The following DNAH6 variants were observed in gnomAD, a reference collection of about 807,000 sequenced individuals.
DNAH6 encodes axonemal beta dynein heavy chain 6.
A neutral mutation model predicts 491.4 loss-of-function variants in DNAH6; 340 were observed. The ratio of observed to expected loss-of-function variants is 0.69; its 90% CI spans 0.63 to 0.76. The LOEUF (loss-of-function observed/expected upper bound fraction) is 0.76, where lower values mean the gene tolerates loss of function less well. Among genes scored for constraint, DNAH6 ranks in the 30% least tolerant of loss-of-function variants. The pLI is 0.00. For missense variants in DNAH6, 4,443 were observed against 4,972.2 expected (o/e 0.89, Z 3.20); for synonymous variants, 1,603 against 1,686.1 (o/e 0.95, Z 1.21).
At chr2:84,648,987 C>G (rs931524670) in intron 33 of DNAH6, among the ~76,000 whole-genome samples, 5 of 152,190 alleles carry the variant, frequency 3.3e-5, no homozygotes, top group Non-Finnish European at 7.3e-5. Context: ...CACAGTCACT[C>G]CAGCCTTCAG....
At chr2:84,681,217 A>G (rs1415816216) in intron 41 of DNAH6, 140 bp from the exon 42 acceptor site, 3 of 689,570 alleles carry the variant, frequency 4.4e-6, no homozygotes, top group African/African-American at 3.7e-5. Flanking sequence ...TGAAATGAGC[A>G]GAAGAGCTTT....
chr2:84,795,736 T>G (rs1678280524), intron 68 of DNAH6, among the ~76,000 whole-genome samples: 1 of 152,230 alleles, frequency 6.6e-6, no homozygotes, highest in South Asian at 2.1e-4. Context: ...ATGGGGCACA[T>G]GGAAAGTAGC....
At chr2:84,811,592 G>T (rs1371536740) in intron 72 of DNAH6, among the ~76,000 whole-genome samples, 1 of 152,188 alleles carries the variant, frequency 6.6e-6, no homozygotes, top group East Asian at 1.9e-4. Context: ...CGGGCACGGT[G>T]GCTCACACCT....
intron 56 of DNAH6, among the ~76,000 whole-genome samples, chr2:84,711,640 G>A (rs893196857): frequency 1.3e-5 from 2 of 152,152 alleles, no homozygotes; most frequent in African/African-American, 4.8e-5. Context: ...ATTCCATTTT[G>A]TCAATGAGGA....
Position 84,709,382 on chromosome 2 carries a change from A to T in DNAH6, c.9088A>T (p.Ile3030Phe), listed in dbSNP as rs530967866. The change falls in exon 55 of 77, where the codon ATC becomes TTC. Residue 3030 changes from isoleucine to phenylalanine, a missense_variant. By Grantham distance (21) the Ile-to-Phe change is conservative. Coordinates refer to ENST00000389394, the MANE Select transcript of DNAH6 (RefSeq NM_001370.2). ...CWIQDCQSLE[I>F]PIDPSFSLIN... ...GATCCAGGACTGTCAGTCTCTGGAG[A>T]TCCCAATCGATCCTTCCTTCAGTCT... 6.4e-7 allele frequency: 1 copy of T among 1,551,650 alleles called. No homozygotes were observed. Among genetic ancestry groups the T allele is most frequent in the Non-Finnish European group, 8.7e-7 (1 of 1,146,978 alleles).
At chr2:84,723,367 A>T (rs567055974) in intron 60 of DNAH6, among the ~76,000 whole-genome samples, 104 of 152,276 alleles carry the variant, frequency 6.8e-4, no homozygotes, top group Non-Finnish European at 1.1e-3. Context: ...TTGATTGCCC[A>T]GTATGCACAG....
intron 14 of DNAH6, among the ~76,000 whole-genome samples, chr2:84,583,434 T>C (rs1474349800): frequency 6.6e-6 from 1 of 152,210 alleles, no homozygotes; most frequent in Non-Finnish European, 1.5e-5. Flanking sequence ...TCTGAATAAT[T>C]TACCTCCTAA....
intron 11 of DNAH6, among the ~76,000 whole-genome samples, chr2:84,572,607 G>T (rs897793941): frequency 6.6e-6 from 1 of 152,176 alleles, no homozygotes; most frequent in Non-Finnish European, 1.5e-5. Flanking sequence ...AACATACAGG[G>T]TGTGTGCTAT....
chr2:84,819,265 C>A, intron 76 of DNAH6, 40 bp from the exon 77 acceptor site: 1 of 1,396,910 alleles, frequency 7.2e-7, no homozygotes. Flanking sequence ...GGAAGTTATT[C>A]TCTTAAGTAA....
At chr2:84,608,347 G>A (rs533810170) in intron 21 of DNAH6, among the ~76,000 whole-genome samples, 15 of 74,346 alleles carry the variant, frequency 2.0e-4, no homozygotes, top group South Asian at 4.5e-4. Context: ...CACTTTTCCC[G>A]GATCCATCAG....
intron 62 of DNAH6, among the ~76,000 whole-genome samples, chr2:84,734,283 G>A (rs1331257098): frequency 6.6e-6 from 1 of 151,512 alleles, no homozygotes; most frequent in Non-Finnish European, 1.5e-5. Flanking sequence ...TGGGACTTCA[G>A]GCGCCCACCA....
chr2:84,649,399 G>C (rs1338390409), intron 33 of DNAH6, among the ~76,000 whole-genome samples: 1 of 152,090 alleles, frequency 6.6e-6, no homozygotes, highest in African/African-American at 2.4e-5. Context: ...GATGCTCCAA[G>C]TTTGCTTCTT....
the DNAH6 span, among the ~76,000 whole-genome samples, chr2:84,511,173 G>A: frequency 3.9e-5 from 6 of 152,192 alleles, no homozygotes; most frequent in Admixed American, 3.9e-4. Flanking sequence ...CCCCAGAGGT[G>A]GAGTCTACAG....
chr2:84,609,677 A>ATAG (rs1341953850), intron 21 of DNAH6, among the ~76,000 whole-genome samples: 1 of 151,812 alleles, frequency 6.6e-6, no homozygotes, highest in Non-Finnish European at 1.5e-5. Context: ...AGATATAATA[A>ATAG]TAATAATAAT....
the DNAH6 span, among the ~76,000 whole-genome samples, chr2:84,466,569 A>C: frequency 9.2e-5 from 14 of 152,240 alleles, no homozygotes; most frequent in African/African-American, 3.4e-4. Flanking sequence ...ATTTTAAGCA[A>C]AGTTAAAAAG....
the DNAH6 span, among the ~76,000 whole-genome samples, chr2:84,482,953 GT>G: frequency 0.021 from 3,036 of 143,986 alleles, 67 homozygotes; most frequent in African/African-American, 0.053. Flanking sequence ...TTATGTTACG[GT>G]TTTTTTTTTT....
chr2:84,778,897 G>T (rs1223786203), intron 64 of DNAH6, among the ~76,000 whole-genome samples: 1 of 152,104 alleles, frequency 6.6e-6, no homozygotes. Flanking sequence ...TTAATATGTT[G>T]TTTACCCAAA....
Position 84,641,997 on chromosome 2 carries a change from G to C in DNAH6, c.5021G>C (p.Arg1674Thr). 6.4e-7 allele frequency: 1 copy of C among 1,551,000 alleles called. No individual in the cohort carries two copies. The highest frequency in any genetic ancestry group is 8.7e-7 in the Non-Finnish European group (1 of 1,146,584). Residue 1674 changes from arginine (R) to threonine (T), a missense_variant, in exon 33 of 77, where the codon AGA becomes ACA. By Grantham distance (71) the Arg-to-Thr change is moderately conservative (BLOSUM62 -1). This residue lies in a region of DNAH6 where 2,977 missense variants were observed against 3,296.6 expected (regional missense o/e 0.90). Transcript: ENST00000389394. Reference protein sequence around the residue: ...PDLNEDVVLIRALQDSNLPKF... With the variant: ...PDLNEDVVLITALQDSNLPKF... ...CTAAATGAAGATGTGGTGTTGATAA[G>C]AGCTTTACAAGACTCCAATTTGCCA...
At position 84,640,574 on chromosome 2, in the gene DNAH6, G is replaced by T; in HGVS notation, c.4966G>T (p.Ala1656Ser). The T allele has an allele frequency of 6.5e-7, 1 of 1,543,570 alleles. No individual in the cohort carries two copies. Among genetic ancestry groups the T allele is most frequent in the Non-Finnish European group, 8.7e-7 (1 of 1,144,262 alleles). Residue 1656 changes from alanine (A) to serine (S), a missense_variant, in exon 32 of 77, where the codon GCT becomes TCT. Ala to Ser is a moderately conservative substitution (Grantham distance 99). Around this residue, in one of 3 missense-constraint regions of DNAH6, gnomAD observed 2,977 missense variants for 3,296.6 expected, o/e 0.90. Coordinates refer to ENST00000389394, the MANE Select transcript of DNAH6 (RefSeq NM_001370.2). ...MRAVKSVLVMAGSLKRENPDL... is the reference protein window; with the variant it reads ...MRAVKSVLVMSGSLKRENPDL... Reference sequence around the variant, plus strand: ...AGCTGTGAAGTCTGTCCTGGTCATGGCTGGGTAAGAAACCAAAGTAGTCAA... The same window carrying T: ...AGCTGTGAAGTCTGTCCTGGTCATGTCTGGGTAAGAAACCAAAGTAGTCAA...
Sources: allele counts gnomAD v4.1 joint callset (sites outside exome capture counted in the v4.1 genomes callset), GRCh38; gene constraint gnomAD v4.1.1; regional missense constraint gnomAD v4.1.1; transcripts MANE v1.5; gene names NCBI Gene and HGNC (gene_info 2026-07-23, HGNC 2026-07-21).